LRRC7: variants seen among roughly 807,000 people sequenced by gnomAD.
LRRC7 encodes the protein leucine-rich repeat-containing protein 7.
LRRC7 carries 23 observed loss-of-function variants against 175.7 expected under a neutral mutation model. The ratio of observed to expected loss-of-function variants is 0.13; its 90% confidence interval spans 0.09 to 0.19. The LOEUF (loss-of-function observed/expected upper bound fraction) is 0.19, where lower values mean the gene tolerates loss of function less well. Ranked by LOEUF, LRRC7 falls within the 10% of genes least tolerant of loss-of-function variation. The pLI, the probability that LRRC7 is intolerant of heterozygous loss-of-function variation, is 1.00. For synonymous variants in LRRC7, 685 were observed against 680.9 expected (o/e 1.01, Z -0.09); for missense variants, 1,354 against 1,904.7 (o/e 0.71, Z 5.38).
chr1:69,923,192 C>A (rs1646948718), intron 7 of LRRC7, among the ~76,000 whole-genome samples: 1 of 152,066 alleles, frequency 6.6e-6, no homozygotes, highest in Admixed American at 6.6e-5. Flanking sequence ...GTATATGTGC[C>A]ACATTTTCTT....
At chr1:69,670,419 G>A (rs879315150) in intron 1 of LRRC7, among the ~76,000 whole-genome samples, 2 of 152,118 alleles carry the variant, frequency 1.3e-5, no homozygotes, top group Non-Finnish European at 2.9e-5. Flanking sequence ...TGAGCTACTT[G>A]GAGCTGTGGG....
Position 70,137,833 on chromosome 1 carries a change from C to G in LRRC7, c.*15946C>G, listed in dbSNP as rs554900015. ...TCTAAGCACTAAGAAGTATAGCCATCTAAATCCTTACAACTTATTCTAAGG... is the reference window on the plus strand; with the variant it reads ...TCTAAGCACTAAGAAGTATAGCCATGTAAATCCTTACAACTTATTCTAAGG... On this transcript the variant is annotated 3_prime_UTR_variant, in exon 27 of 27. Coordinates refer to ENST00000651989, the MANE Select transcript of LRRC7 (RefSeq NM_001370785.2). Among the ~76,000 whole-genome samples, 2 of 152,332 alleles carry G rather than the reference C, an allele frequency of 1.3e-5. No individual in the cohort carries two copies. Among genetic ancestry groups the G allele is most frequent in the African/African-American group, 2.4e-5 (1 of 41,580 alleles).
intron 1 of LRRC7, among the ~76,000 whole-genome samples, chr1:69,612,899 T>TG (rs1167745024): frequency 1.3e-5 from 2 of 152,066 alleles, no homozygotes; most frequent in African/African-American, 4.8e-5. Context: ...TAGCAAATAG[T>TG]GCTAAAGCCA....
intron 18 of LRRC7, 59 bp from the exon 19 acceptor site, chr1:70,036,062 T>C (rs1345386711): frequency 1.4e-5 from 19 of 1,344,918 alleles, no homozygotes; most frequent in Non-Finnish European, 1.9e-5. Context: ...ATACTGCCAC[T>C]TTGGTTAACC....
intron 1 of LRRC7, among the ~76,000 whole-genome samples, chr1:69,595,964 C>T (rs1243554032): frequency 2.2e-5 from 2 of 90,748 alleles, no homozygotes; most frequent in Non-Finnish European, 5.7e-5. Flanking sequence ...GACTGTTAAA[C>T]TGTCTCATAT....
intron 8 of LRRC7, among the ~76,000 whole-genome samples, chr1:69,957,567 A>G (rs959338421): frequency 2.6e-5 from 4 of 151,888 alleles, no homozygotes; most frequent in African/African-American, 7.2e-5. Flanking sequence ...GAATGCTCCT[A>G]TACTAGATAT....
At chr1:70,098,387 A>G (rs1664566250) in intron 25 of LRRC7, among the ~76,000 whole-genome samples, 1 of 150,794 alleles carries the variant, frequency 6.6e-6, no homozygotes, top group Middle Eastern at 3.2e-3. Context: ...CAAAATTGAC[A>G]CCCTAACATC....
intron 7 of LRRC7, among the ~76,000 whole-genome samples, chr1:69,876,226 G>A (rs750646299): frequency 2.6e-5 from 4 of 152,006 alleles, no homozygotes; most frequent in Admixed American, 6.6e-5. Flanking sequence ...GCCAATTAAG[G>A]TTCCTGCTAT....
chr1:70,097,455 T>C (rs1664490089), intron 25 of LRRC7, among the ~76,000 whole-genome samples: 1 of 151,972 alleles, frequency 6.6e-6, no homozygotes, highest in Non-Finnish European at 1.5e-5. Context: ...TGAATTTTTC[T>C]TTTTTTTACC....
Position 70,133,682 on chromosome 1 carries a change from C to T in LRRC7, c.*11795C>T, listed in dbSNP as rs1312662090. On this transcript the variant is annotated 3_prime_UTR_variant, in exon 27 of 27. Transcript: ENST00000651989. ...ACTAAACCTCTCAGATTGTATCAAT[C>T]ACCCAAAACCTAATGAGACAGAAAC... 6.6e-6 allele frequency among the ~76,000 whole-genome samples: 1 copy of T among 152,152 alleles called. No homozygotes were observed. Among genetic ancestry groups the T allele is most frequent in the Non-Finnish European group, 1.5e-5 (1 of 68,020 alleles).
chr1:70,096,607 A>G (rs1342538305), intron 25 of LRRC7, among the ~76,000 whole-genome samples: 1 of 152,010 alleles, frequency 6.6e-6, no homozygotes, highest in East Asian at 1.9e-4. Flanking sequence ...AAAAAAAATC[A>G]CACGTTCCCT....
At position 70,028,276 on chromosome 1, in the gene LRRC7, G is replaced by C. The variant is rs1194164492; in HGVS notation, c.1900G>C (p.Val634Leu). Reference protein sequence around the residue: ...LVGKPSHGVRVENSNPTANTE... With the variant: ...LVGKPSHGVRLENSNPTANTE... The stretch of plus-strand genomic sequence containing the variant: ...GGGTAAGCCAAGCCATGGAGTGCGT[G>C]TTGAGAATTCAAATCCAACTGCTAA... The change falls in exon 18 of 27, where the codon GTT (valine) becomes CTT (leucine). Residue 634 changes from valine (V) to leucine (L), a missense_variant. This residue lies in a region of LRRC7 where 1,032 missense variants were observed against 1,227.2 expected (regional missense o/e 0.84). Coordinates refer to ENST00000651989, the MANE Select transcript of LRRC7 (RefSeq NM_001370785.2). 6.2e-7 allele frequency: 1 copy of C among 1,613,714 alleles called. No individual in the cohort carries two copies. The highest frequency in any genetic ancestry group is 1.7e-5 in the Admixed American group (1 of 59,970).
chr1:70,084,062 T>A lies in LRRC7; in HGVS notation c.4453-5665T>A, dbSNP rs1029323780. Reference sequence around the variant, plus strand: ...TCAACATTTCTGAATAAATTTTAAATCCTTACTATGGTATAGTGTCCCTGC... The same window carrying A: ...TCAACATTTCTGAATAAATTTTAAAACCTTACTATGGTATAGTGTCCCTGC... On this transcript the variant is annotated intron_variant, in intron 24 of 26. Transcript: ENST00000651989. Among the ~76,000 whole-genome samples, 6 of 152,322 alleles carry A rather than the reference T, an allele frequency of 3.9e-5. No individual in the cohort carries two copies. The South Asian group carries it at 1.0e-3, about 26-fold the overall frequency.
chr1:69,642,665 T>A (rs1369895891), intron 1 of LRRC7, among the ~76,000 whole-genome samples: 2 of 151,994 alleles, frequency 1.3e-5, no homozygotes, highest in Non-Finnish European at 2.9e-5. Context: ...ATCATGCCAG[T>A]TAAAAAGATA....
intron 26 of LRRC7, among the ~76,000 whole-genome samples, chr1:70,113,681 T>C (rs1229249751): frequency 6.6e-6 from 1 of 152,182 alleles, no homozygotes; most frequent in East Asian, 1.9e-4. Context: ...AGTTTTGTAC[T>C]TTCAGTATAG....
intron 4 of LRRC7, among the ~76,000 whole-genome samples, chr1:69,795,909 TGGG>T (rs1482758111): frequency 7.5e-5 from 6 of 80,094 alleles, no homozygotes; most frequent in African/African-American, 1.3e-4. Context: ...AGATTTTTTT[TGGG>T]TTTTTTTTTG....
intron 7 of LRRC7, chr1:69,919,698 A>C: frequency 1.0e-6 from 1 of 981,786 alleles, no homozygotes; most frequent in South Asian, 1.4e-5. Flanking sequence ...AGCTCGGCCA[A>C]GGCCAGGGGA....
At chr1:69,921,024 G>A (rs1243529519) in intron 7 of LRRC7, among the ~76,000 whole-genome samples, 2 of 152,172 alleles carry the variant, frequency 1.3e-5, no homozygotes, top group African/African-American at 4.8e-5. Flanking sequence ...GAGAGGTGTA[G>A]CAGATGTTCT....
rs1666858907 is a variant in LRRC7 at position 70,136,079 on chromosome 1, G to GTGTGTGTGTGTGTGTC, written c.*14207_*14208insCTGTGTGTGTGTGTGT. On this transcript the variant is annotated 3_prime_UTR_variant, in exon 27 of 27. Transcript: ENST00000651989. ...TGTGTGTGTCTGTGTGTGTGTCTGTGTGTGTGTGTGTGTGTGTGTCTATAT... is the reference window on the plus strand; with the variant it reads ...TGTGTGTGTCTGTGTGTGTGTCTGTGTGTGTGTGTGTGTGTCTGTGTGTGTGTGTGTGTGTCTATAT... 9.1e-5 allele frequency among the ~76,000 whole-genome samples: 1 copy of GTGTGTGTGTGTGTGTC among 10,988 alleles called. No individual in the cohort carries two copies. The highest frequency in any genetic ancestry group is 1.7e-4 in the Non-Finnish European group (1 of 5,754). 7.2% of individuals were successfully genotyped at this position (10,988 alleles called of 152,430 possible).
Sources: gnomAD v4.1 joint callset for allele counts (sites outside exome capture counted in the v4.1 genomes callset) on GRCh38, gnomAD v4.1.1 for gene constraint, gnomAD v4.1.1 regional missense constraint, MANE v1.5 for transcripts, NCBI Gene and HGNC (gene_info 2026-07-23, HGNC 2026-07-21) for gene names.